SAXO1: variants seen among roughly 807,000 people sequenced by gnomAD.
SAXO1 encodes the protein stabilizer of axonemal microtubules 1.
SAXO1 carries 21 observed loss-of-function variants against 17.5 expected under a neutral mutation model. The observed-to-expected ratio is 1.20, with a 90% CI of 0.85 to 1.72. The LOEUF is 1.72. Ranked by LOEUF, SAXO1 falls within the 40% of genes most tolerant of loss-of-function variation. SAXO1 has a pLI of 0.00. For synonymous variants in SAXO1, 274 were observed against 216.5 expected (o/e 1.27, Z -2.33); for missense variants, 843 against 596.0 (o/e 1.41, Z -4.32).
chr9:19,031,423 A>G lies in SAXO1; in HGVS notation c.38+1448T>C, dbSNP rs185996644. Among the ~76,000 whole-genome samples, 6 of 152,286 alleles carry G rather than the reference A, an allele frequency of 3.9e-5. No homozygotes were observed. In the East Asian group the frequency reaches 9.7e-4, roughly 24 times the overall value. ...CTAAAAATACAAAAATTAGCCAGGC[A>G]TGGTGGCATGTGCCTGTAATCCCAT... is the stretch of plus-strand genomic sequence containing the variant. On this transcript the variant is annotated intron_variant, in intron 1 of 3. Coordinates refer to ENST00000380534, the MANE Select transcript of SAXO1 (RefSeq NM_153707.4).
At chr9:18,956,761 G>T (rs1256052669) in intron 1 of SAXO1, among the ~76,000 whole-genome samples, 2 of 152,202 alleles carry the variant, frequency 1.3e-5, no homozygotes, top group African/African-American at 2.4e-5. Flanking sequence ...AAGCAAGCAG[G>T]CTGTAATTAA....
chr9:18,957,678 A>G (rs1187476263), intron 1 of SAXO1, among the ~76,000 whole-genome samples: 1 of 152,138 alleles, frequency 6.6e-6, no homozygotes, highest in Non-Finnish European at 1.5e-5. Context: ...CCATGCCAAT[A>G]GCTTAGAATG....
upstream of SAXO1, among the ~76,000 whole-genome samples, chr9:19,036,558 A>G (rs1006672351): frequency 6.6e-6 from 1 of 152,198 alleles, no homozygotes; most frequent in African/African-American, 2.4e-5. Context: ...AAAGGGGCCA[A>G]CATAGAGCTT....
At chr9:18,962,651 T>C (rs1832535772) in intron 1 of SAXO1, among the ~76,000 whole-genome samples, 1 of 151,870 alleles carries the variant, frequency 6.6e-6, no homozygotes, top group Admixed American at 6.6e-5. Flanking sequence ...CACTTTTTGA[T>C]GGGGTTGTAT....
At chr9:18,999,505 G>C (rs1309903432) in intron 1 of SAXO1, among the ~76,000 whole-genome samples, 1 of 146,226 alleles carries the variant, frequency 6.8e-6, no homozygotes, top group Non-Finnish European at 1.5e-5. Flanking sequence ...CACCATCTGG[G>C]AAGTGAGGAG....
chr9:19,045,316 CAAAAAAAAAAAAAAAAA>C (rs575855900), intron 1 of SAXO1, among the ~76,000 whole-genome samples: 20 of 89,340 alleles, frequency 2.2e-4, no homozygotes, highest in African/African-American at 5.7e-4. Flanking sequence ...GACTCCGTCT[CAAAAAAAAAAAAAAAAA>C]AAAAAAAAAA....
chr9:19,031,775 C>T (rs1023397013), intron 1 of SAXO1, among the ~76,000 whole-genome samples: 8 of 152,110 alleles, frequency 5.3e-5, no homozygotes, highest in African/African-American at 1.7e-4. Flanking sequence ...AATTCAACGG[C>T]CTGAGCAACT....
chr9:18,999,235 G>A (rs1834142215), intron 1 of SAXO1, among the ~76,000 whole-genome samples: 1 of 152,262 alleles, frequency 6.6e-6, no homozygotes, highest in Non-Finnish European at 1.5e-5. Context: ...GACACACACA[G>A]GCTTAAAATA....
At chr9:19,006,260 C>T (rs767118846) in intron 1 of SAXO1, among the ~76,000 whole-genome samples, 2 of 152,290 alleles carry the variant, frequency 1.3e-5, no homozygotes, top group East Asian at 1.9e-4. Flanking sequence ...TCCACCAATT[C>T]GACTTTCAGG....
At chr9:19,000,819 C>T (rs958468548) in intron 1 of SAXO1, among the ~76,000 whole-genome samples, 3 of 152,070 alleles carry the variant, frequency 2.0e-5, no homozygotes, top group African/African-American at 7.2e-5. Flanking sequence ...TTTAAACCAA[C>T]AAAGATCAAA....
intron 1 of SAXO1, among the ~76,000 whole-genome samples, chr9:18,970,027 C>T (rs1341291178): frequency 1.3e-5 from 2 of 152,210 alleles, no homozygotes; most frequent in Admixed American, 1.3e-4. Flanking sequence ...CTCCTCTACC[C>T]ATAAGCACAG....
intron 1 of SAXO1, among the ~76,000 whole-genome samples, chr9:18,985,998 G>C (rs1051831931): frequency 6.6e-6 from 1 of 152,164 alleles, no homozygotes. Context: ...AGTAATCAAA[G>C]CACAATTAGA....
At chr9:19,036,455 G>T (rs956418014), upstream of SAXO1, among the ~76,000 whole-genome samples, 2 of 152,190 alleles carry the variant, frequency 1.3e-5, no homozygotes, top group South Asian at 2.1e-4. Context: ...AGGCCTAGGA[G>T]AAAATGGTTT....
chr9:19,012,546 G>A (rs538222272), intron 1 of SAXO1, among the ~76,000 whole-genome samples: 1 of 152,326 alleles, frequency 6.6e-6, no homozygotes, highest in Admixed American at 6.5e-5. Flanking sequence ...CACAGAGTTA[G>A]ATGGGCAACT....
chr9:18,983,197 A>C (rs921626258), intron 1 of SAXO1, among the ~76,000 whole-genome samples: 1 of 152,220 alleles, frequency 6.6e-6, no homozygotes, highest in Admixed American at 6.5e-5. Context: ...ATTGACACAC[A>C]GTTCTGCAAT....
chr9:19,014,829 A>C (rs979977150), intron 1 of SAXO1, among the ~76,000 whole-genome samples: 1 of 152,218 alleles, frequency 6.6e-6, no homozygotes, highest in Admixed American at 6.5e-5. Context: ...AAATAAAGCC[A>C]GTGCTGCTGA....
chr9:18,982,224 G>C (rs1267025298), intron 1 of SAXO1, among the ~76,000 whole-genome samples: 1 of 152,168 alleles, frequency 6.6e-6, no homozygotes, highest in African/African-American at 2.4e-5. Context: ...CCCAAATCTA[G>C]AGATAATGCA....
At chr9:18,989,224 A>G (rs1833708123) in intron 1 of SAXO1, among the ~76,000 whole-genome samples, 2 of 152,196 alleles carry the variant, frequency 1.3e-5, no homozygotes, top group Non-Finnish European at 1.5e-5. Flanking sequence ...ATGCCAAAAC[A>G]GAACATTCGA....
intron 1 of SAXO1, among the ~76,000 whole-genome samples, chr9:19,023,600 T>A (rs1030304692): frequency 6.6e-6 from 1 of 152,168 alleles, no homozygotes; most frequent in Non-Finnish European, 1.5e-5. Flanking sequence ...CTGCCACTTC[T>A]CGTAGTCAAT....
Sources: gnomAD v4.1 joint callset for allele counts (sites outside exome capture counted in the v4.1 genomes callset) on GRCh38, gnomAD v4.1.1 for gene constraint, MANE v1.5 for transcripts, NCBI Gene and HGNC (gene_info 2026-07-23, HGNC 2026-07-21) for gene names.